PTPRN2: variants seen among roughly 807,000 people sequenced by gnomAD.
PTPRN2 encodes the protein receptor-type tyrosine-protein phosphatase N2.
PTPRN2 carries 74 observed loss-of-function variants against 118.8 expected under a neutral mutation model. The observed-to-expected ratio is 0.62, with a 90% confidence interval of 0.52 to 0.76. PTPRN2 has a LOEUF of 0.76. Among genes scored for constraint, PTPRN2 ranks in the 30% least tolerant of loss-of-function variants. The pLI, the probability that PTPRN2 is intolerant of heterozygous loss-of-function variation, is 0.00. For missense variants in PTPRN2, 1,481 were observed against 1,394.4 expected, an observed-to-expected ratio of 1.06 and a Z score of -0.99; for synonymous variants, 641 against 608.0, an observed-to-expected ratio of 1.05 and a Z score of -0.80.
At position 157,990,636 on chromosome 7, in the gene PTPRN2, A is replaced by G. The variant is rs76489522; in HGVS notation, c.1723+90662T>C. On this transcript the variant is annotated intron_variant, in intron 11 of 22. Transcript: ENST00000389418. The surrounding 1 kb of genome is among the most constrained non-coding windows in gnomAD (Gnocchi z 4.3). ...GGGGTCAGGGCTCAGGGCGGTGCTG[A>G]CAGTAGGACATGCTGGTCCCCTTCC... Among the ~76,000 whole-genome samples, 3,734 of 152,268 alleles carry G rather than the reference A, an allele frequency of 0.025. 152 individuals are homozygous for G. Among genetic ancestry groups the G allele is most frequent in the African/African-American group, 0.085 (3,544 of 41,550 alleles).
chr7:157,920,172 T>A (rs529011771), intron 11 of PTPRN2, among the ~76,000 whole-genome samples: 2 of 152,196 alleles, frequency 1.3e-5, no homozygotes, highest in African/African-American at 4.8e-5. Context: ...AATTTGGAAC[T>A]CCAAGAAATT....
Position 157,611,707 on chromosome 7 carries a change from G to C in PTPRN2, c.2345-7632C>G, listed in dbSNP as rs1802350998. On this transcript the variant is annotated intron_variant, in intron 15 of 22. Transcript: ENST00000389418. The surrounding 1 kb of genome is among the most constrained non-coding windows in gnomAD (Gnocchi z 5.9). ...GGAGGGAGAGCGCCCGTGTGAAGAC[G>C]AAGACAGCCGCGGTCATGCTGGGGA... is the stretch of plus-strand genomic sequence containing the variant. 6.6e-6 allele frequency among the ~76,000 whole-genome samples: 1 copy of C among 152,108 alleles called. No homozygotes were observed. The highest frequency in any genetic ancestry group is 6.5e-5 in the Admixed American group (1 of 15,282).
intron 11 of PTPRN2, among the ~76,000 whole-genome samples, chr7:157,995,909 CGTG>C (rs1804690548): frequency 6.6e-6 from 1 of 152,196 alleles, no homozygotes; most frequent in Admixed American, 6.5e-5. Flanking sequence ...ATAAAGAAAA[CGTG>C]GTGTGTCCAC....
chr7:157,565,090 G>A (rs1799416987), intron 21 of PTPRN2, among the ~76,000 whole-genome samples: 1 of 152,244 alleles, frequency 6.6e-6, no homozygotes. Context: ...CTTAGATGAG[G>A]TGCGTAGTAT....
At chr7:157,955,479 T>C (rs1156909544) in intron 11 of PTPRN2, among the ~76,000 whole-genome samples, 2 of 152,122 alleles carry the variant, frequency 1.3e-5, no homozygotes, top group African/African-American at 4.8e-5. Flanking sequence ...TCAACTTCTC[T>C]GAAGGCAAAA....
At chr7:158,107,047 C>T (rs1815745144) in intron 10 of PTPRN2, among the ~76,000 whole-genome samples, 1 of 152,106 alleles carries the variant, frequency 6.6e-6, no homozygotes, top group Non-Finnish European at 1.5e-5. Context: ...TGGGAGCTAC[C>T]TCACAAGAAA....
At chr7:157,855,767 A>G (rs903765673) in intron 12 of PTPRN2, among the ~76,000 whole-genome samples, 1 of 152,224 alleles carries the variant, frequency 6.6e-6, no homozygotes, top group African/African-American at 2.4e-5. Context: ...CTTTTAGAGG[A>G]TGAGGAAAAG....
At chr7:158,577,574 A>C (rs1320705709) in intron 1 of PTPRN2, among the ~76,000 whole-genome samples, 2 of 149,616 alleles carry the variant, frequency 1.3e-5, no homozygotes, top group Non-Finnish European at 2.9e-5. Context: ...CGAATGCCAC[A>C]GACAGCATGG....
intron 3 of PTPRN2, among the ~76,000 whole-genome samples, chr7:158,225,110 T>C (rs1828653637): frequency 6.6e-6 from 1 of 151,258 alleles, no homozygotes; most frequent in South Asian, 2.1e-4. Flanking sequence ...GTATCACTGT[T>C]ACTTTTTTTT....
chr7:157,673,598 C>T (rs569658842), intron 13 of PTPRN2, among the ~76,000 whole-genome samples: 10 of 152,118 alleles, frequency 6.6e-5, no homozygotes, highest in African/African-American at 2.2e-4. Context: ...CCTGGCCCCT[C>T]TCTCTCTGAG....
At chr7:158,261,958 C>T (rs910356473) in intron 3 of PTPRN2, among the ~76,000 whole-genome samples, 4 of 152,212 alleles carry the variant, frequency 2.6e-5, no homozygotes, top group African/African-American at 7.2e-5. Context: ...GTGGCTGCGC[C>T]GTACTTCTGC....
At chr7:158,114,973 G>A (rs1397543542) in intron 9 of PTPRN2, among the ~76,000 whole-genome samples, 1 of 152,130 alleles carries the variant, frequency 6.6e-6, no homozygotes. Context: ...ACCCATTAAG[G>A]GATTGGAGTT....
At chr7:157,927,978 C>T (rs772070426) in intron 11 of PTPRN2, among the ~76,000 whole-genome samples, 5 of 152,126 alleles carry the variant, frequency 3.3e-5, no homozygotes, top group Non-Finnish European at 7.3e-5. Flanking sequence ...CTGCCCGACG[C>T]TTAGAGGGAC....
At position 158,078,313 on chromosome 7, in the gene PTPRN2, T is replaced by C. The variant is rs76167734; in HGVS notation, c.1723+2985A>G. ...TGAGGGAACCAGACGCCAGCAGCCA[T>C]TGGGCTTCCAGGCAGCTGGCAGGTG... On this transcript the variant is annotated intron_variant, in intron 11 of 22. Coordinates refer to ENST00000389418, the MANE Select transcript of PTPRN2 (RefSeq NM_002847.5). 4.1e-3 allele frequency among the ~76,000 whole-genome samples: 617 copies of C among 152,300 alleles called. 6 individuals are homozygous for C. The highest frequency in any genetic ancestry group is 0.014 in the African/African-American group (599 of 41,564).
rs1450761971 is a variant in PTPRN2 at position 158,570,046 on chromosome 7, T to G, written c.112+17512A>C. Reference sequence around the variant, plus strand: ...CAGGCCTTTCCTCCCTCGCGTTCCCTCAGGCGCGTCCTCCACCCGTTTCCC... The same window carrying G: ...CAGGCCTTTCCTCCCTCGCGTTCCCGCAGGCGCGTCCTCCACCCGTTTCCC... On this transcript the variant is annotated intron_variant, in intron 1 of 22. Transcript: ENST00000389418. The surrounding 1 kb of genome is among the most constrained non-coding windows in gnomAD (Gnocchi z 4.5). 1.3e-5 allele frequency among the ~76,000 whole-genome samples: 2 copies of G among 152,082 alleles called. No individual in the cohort carries two copies. Among genetic ancestry groups the G allele is most frequent in the Non-Finnish European group, 2.9e-5 (2 of 68,000 alleles).
At chr7:158,265,469 C>G (rs2150942815) in intron 3 of PTPRN2, among the ~76,000 whole-genome samples, 1 of 152,100 alleles carries the variant, frequency 6.6e-6, no homozygotes, top group East Asian at 1.9e-4. Context: ...CGGGACACAC[C>G]TGGAGGTAGG....
intron 12 of PTPRN2, among the ~76,000 whole-genome samples, chr7:157,819,093 C>A (rs1365237425): frequency 6.6e-6 from 1 of 152,192 alleles, no homozygotes; most frequent in East Asian, 1.9e-4. Context: ...ACACCACTGG[C>A]CCCAGCCCCC....
In PTPRN2 at chr7:158,042,684, G is replaced by A. The variant is rs2128890811; in HGVS notation, c.1723+38614C>T. Among the ~76,000 whole-genome samples, 2 of 152,314 alleles carry A rather than the reference G, an allele frequency of 1.3e-5. 1 individual carries two copies. The highest frequency in any genetic ancestry group is 6.8e-3 in the Middle Eastern group (2 of 294). On this transcript the variant is annotated intron_variant, in intron 11 of 22. Transcript: ENST00000389418. ...CCAGGGCTTCCTAAGGGACCTGGCT[G>A]TCCTGAGCCACAGCCGGCTGATAGA...
chr7:158,073,263 C>T (rs1418314487), intron 11 of PTPRN2, among the ~76,000 whole-genome samples: 1 of 152,240 alleles, frequency 6.6e-6, no homozygotes, highest in African/African-American at 2.4e-5. Flanking sequence ...TGGCTTCTGG[C>T]AGACATCGGC....
Sources: allele counts gnomAD v4.1 joint callset (sites outside exome capture counted in the v4.1 genomes callset), GRCh38; gene constraint gnomAD v4.1.1; non-coding constraint Gnocchi (gnomAD v3.1); transcripts MANE v1.5; gene names NCBI Gene and HGNC (gene_info 2026-07-23, HGNC 2026-07-21).